The following CCSER1 variants were observed in gnomAD, a reference collection of about 807,000 sequenced individuals.
The protein encoded by CCSER1 is coiled-coil serine rich protein 1.
Under a neutral mutation model 82.0 loss-of-function variants are expected in CCSER1, and 41 were observed. The ratio of observed to expected loss-of-function variants is 0.50; its 90% CI spans 0.39 to 0.65. The LOEUF is 0.65. Ranked by LOEUF, CCSER1 falls within the 30% of genes least tolerant of loss-of-function variation. CCSER1 has a pLI of 0.00. For synonymous variants in CCSER1, 414 were observed against 383.9 expected, an observed-to-expected ratio of 1.08 and a Z score of -0.92; for missense variants, 1,119 against 1,064.2, an observed-to-expected ratio of 1.05 and a Z score of -0.72.
At chr4:90,889,083 CAA>C (rs994819495) in intron 8 of CCSER1, among the ~76,000 whole-genome samples, 53 of 152,058 alleles carry the variant, frequency 3.5e-4, no homozygotes, top group African/African-American at 1.2e-3. Flanking sequence ...TCAAGATATA[CAA>C]AAAAGTTGTA....
chr4:90,606,010 T>C (rs1784658122), intron 5 of CCSER1, among the ~76,000 whole-genome samples: 1 of 152,142 alleles, frequency 6.6e-6, no homozygotes, highest in Admixed American at 6.5e-5. Context: ...ATATTTTTCA[T>C]TATAATATAT....
At chr4:90,611,298 T>C (rs1785468566) in intron 5 of CCSER1, among the ~76,000 whole-genome samples, 1 of 152,104 alleles carries the variant, frequency 6.6e-6, no homozygotes, top group Non-Finnish European at 1.5e-5. Context: ...TTGGGCTATT[T>C]GGTTGCAAAC....
chr4:90,873,368 C>T (rs1284492971), intron 8 of CCSER1, among the ~76,000 whole-genome samples: 1 of 151,970 alleles, frequency 6.6e-6, no homozygotes, highest in Non-Finnish European at 1.5e-5. Flanking sequence ...TGGTGAGAGA[C>T]TGATGCATTC....
intron 10 of CCSER1, among the ~76,000 whole-genome samples, chr4:91,105,276 T>A (rs1725491230): frequency 6.6e-6 from 1 of 152,188 alleles, no homozygotes; most frequent in African/African-American, 2.4e-5. Flanking sequence ...ACAAGTAATA[T>A]GACTACATCA....
chr4:90,825,903 G>T (rs942290056), intron 8 of CCSER1, among the ~76,000 whole-genome samples: 4 of 151,854 alleles, frequency 2.6e-5, no homozygotes, highest in Non-Finnish European at 5.9e-5. Flanking sequence ...TATTAGCTAA[G>T]ATGGTCTCAA....
intron 1 of CCSER1, among the ~76,000 whole-genome samples, chr4:90,192,543 A>T (rs879864387): frequency 6.6e-6 from 1 of 152,042 alleles, no homozygotes; most frequent in African/African-American, 2.4e-5. Flanking sequence ...TAGTTGTATG[A>T]CCTTGTAAAA....
In CCSER1 at chr4:90,851,239, C is replaced by T. The variant is rs566136746; in HGVS notation, c.2094+35394C>T. On this transcript the variant is annotated intron_variant, in intron 8 of 10. Transcript: ENST00000509176. ...GAGAACAGACTAATACACCCCAGTC[C>T]GATGAATAATTTCAGAAAACATTTC... is the stretch of plus-strand genomic sequence containing the variant. Among the ~76,000 whole-genome samples the T allele has an allele frequency of 9.2e-5, 14 of 152,160 alleles. No homozygotes were observed. In the South Asian group the frequency reaches 2.1e-3, roughly 23 times the overall value.
intron 9 of CCSER1, among the ~76,000 whole-genome samples, chr4:90,971,656 A>G (rs1235781708): frequency 6.6e-6 from 1 of 151,978 alleles, no homozygotes; most frequent in Non-Finnish European, 1.5e-5. Context: ...TTCAAAACTC[A>G]TATTACAAGG....
chr4:90,839,044 G>A (rs371967306), intron 8 of CCSER1: 26 of 1,612,160 alleles, frequency 1.6e-5, no homozygotes, highest in South Asian at 6.6e-5. Flanking sequence ...ACATGGTTGC[G>A]GAGGAAAAGC....
At chr4:91,090,965 C>A (rs1239534839) in intron 10 of CCSER1, among the ~76,000 whole-genome samples, 2 of 152,170 alleles carry the variant, frequency 1.3e-5, no homozygotes, top group Non-Finnish European at 2.9e-5. Flanking sequence ...AGCTTCCACT[C>A]ATGCAGGAGG....
chr4:91,263,951 A>G (rs1388410843), intron 10 of CCSER1, among the ~76,000 whole-genome samples: 2 of 151,956 alleles, frequency 1.3e-5, no homozygotes, highest in East Asian at 3.9e-4. Context: ...GTTTCTTCCA[A>G]AACTACCCAT....
At chr4:90,745,921 TG>T (rs1164856827) in intron 7 of CCSER1, among the ~76,000 whole-genome samples, 2 of 151,882 alleles carry the variant, frequency 1.3e-5, no homozygotes, top group African/African-American at 4.8e-5. Flanking sequence ...AGGATGGCCT[TG>T]ATCTCCTGAC....
In CCSER1 at chr4:91,599,198, C is replaced by T. The variant is rs1401044514; in HGVS notation, c.*141C>T. ...GTGTTGTTGGGTTTTTTTTCTTAGTCATAAACAAAGACTTGTGGGTTTTTT... is the reference window on the plus strand; with the variant it reads ...GTGTTGTTGGGTTTTTTTTCTTAGTTATAAACAAAGACTTGTGGGTTTTTT... On this transcript the variant is annotated 3_prime_UTR_variant, in exon 11 of 11. Coordinates refer to ENST00000509176, the MANE Select transcript of CCSER1 (RefSeq NM_001145065.2). 1.8e-6 allele frequency: 2 copies of T among 1,082,500 alleles called. No individual in the cohort carries two copies. The highest frequency in any genetic ancestry group is 5.3e-5 in the East Asian group (2 of 37,386). The allele number at this position is 1,082,500 out of a possible 1,614,324, so 67.1% of individuals were successfully genotyped here.
intron 1 of CCSER1, among the ~76,000 whole-genome samples, chr4:90,273,659 A>T (rs966017668): frequency 6.6e-6 from 1 of 152,190 alleles, no homozygotes; most frequent in African/African-American, 2.4e-5. Context: ...TGTCTCGAAC[A>T]TATAAAACTT....
At chr4:91,537,766 CAAT>C (rs1187770962) in intron 10 of CCSER1, among the ~76,000 whole-genome samples, 1 of 151,776 alleles carries the variant, frequency 6.6e-6, no homozygotes, top group East Asian at 1.9e-4. Flanking sequence ...TAGCAATCAA[CAAT>C]ATACCTATAT....
chr4:90,782,452 G>T (rs1231717366), intron 7 of CCSER1, among the ~76,000 whole-genome samples: 4 of 152,056 alleles, frequency 2.6e-5, no homozygotes, highest in African/African-American at 9.7e-5. Flanking sequence ...GGGAAGTGAA[G>T]AAATATATTT....
At chr4:90,836,827 G>A (rs957688297) in intron 8 of CCSER1, among the ~76,000 whole-genome samples, 6 of 152,244 alleles carry the variant, frequency 3.9e-5, no homozygotes, top group African/African-American at 1.4e-4. Flanking sequence ...TAAATCAGAT[G>A]TTGCTCTGTT....
chr4:91,557,465 C>T (rs1762458459), intron 10 of CCSER1, among the ~76,000 whole-genome samples: 1 of 151,228 alleles, frequency 6.6e-6, no homozygotes, highest in South Asian at 2.1e-4. Context: ...GTAAGATAAT[C>T]TAGACTCTGA....
intron 10 of CCSER1, among the ~76,000 whole-genome samples, chr4:91,115,272 A>G: frequency 6.6e-6 from 1 of 152,194 alleles, no homozygotes. Flanking sequence ...CTCAAATAAA[A>G]TGTACCCAGT....
Sources: gnomAD v4.1 joint callset for allele counts (sites outside exome capture counted in the v4.1 genomes callset) on GRCh38, gnomAD v4.1.1 for gene constraint, MANE v1.5 for transcripts, NCBI Gene and HGNC (gene_info 2026-07-23, HGNC 2026-07-21) for gene names.